The following SHISA9 variants were observed in gnomAD, a reference collection of about 807,000 sequenced individuals.
The protein encoded by SHISA9 is shisa family member 9.
In SHISA9, 13 loss-of-function variants were observed where a neutral mutation model predicts 38.0. The ratio of observed to expected loss-of-function variants is 0.34; its 90% CI spans 0.22 to 0.54. SHISA9 has a LOEUF of 0.54. SHISA9 is among the 20% of genes least tolerant of loss of function. SHISA9 has a pLI of 0.91. For missense variants in SHISA9, 538 were observed against 575.8 expected, an observed-to-expected ratio of 0.93 and a Z score of 0.67; for synonymous variants, 275 against 242.0, an observed-to-expected ratio of 1.14 and a Z score of -1.27.
intron 2 of SHISA9, among the ~76,000 whole-genome samples, chr16:12,960,857 C>T (rs550077521): frequency 1.3e-5 from 2 of 152,260 alleles, no homozygotes; most frequent in Non-Finnish European, 2.9e-5. Context: ...CTTCCAGGAA[C>T]ATTTTGGTAA....
chr16:13,552,742 A>G, the SHISA9 span, among the ~76,000 whole-genome samples: 2 of 151,826 alleles, frequency 1.3e-5, no homozygotes, highest in Non-Finnish European at 2.9e-5. Flanking sequence ...ATTTTTAAAC[A>G]GTTTTTTTTT....
intron 2 of SHISA9, among the ~76,000 whole-genome samples, chr16:12,929,746 A>G (rs533777918): frequency 6.6e-6 from 1 of 152,204 alleles, no homozygotes; most frequent in Admixed American, 6.5e-5. Flanking sequence ...ACACGTTTAT[A>G]TATGTAAAAA....
At chr16:12,908,005 T>G (rs1357201074) in intron 1 of SHISA9, among the ~76,000 whole-genome samples, 1 of 152,232 alleles carries the variant, frequency 6.6e-6, no homozygotes, top group East Asian at 1.9e-4. Context: ...CAATCTCAGC[T>G]CAGCCACTTA....
intron 2 of SHISA9, among the ~76,000 whole-genome samples, chr16:13,011,260 A>G (rs1002197675): frequency 2.0e-5 from 3 of 151,762 alleles, no homozygotes; most frequent in African/African-American, 7.3e-5. Context: ...GCGTGTAGAT[A>G]GTAAAATAGT....
chr16:12,990,869 C>T (rs2072375879), intron 2 of SHISA9, among the ~76,000 whole-genome samples: 1 of 152,188 alleles, frequency 6.6e-6, no homozygotes, highest in South Asian at 2.1e-4. Flanking sequence ...TCACCCATAG[C>T]TTTTCTATGG....
chr16:13,167,053 C>CT (rs144862499), intron 2 of SHISA9, among the ~76,000 whole-genome samples: 9,691 of 146,212 alleles, frequency 0.066, 421 homozygotes, highest in Middle Eastern at 0.13. Context: ...TCTACTTCTT[C>CT]TCTCTCTCTC....
intron 2 of SHISA9, among the ~76,000 whole-genome samples, chr16:12,928,160 C>G (rs772069911): frequency 2.5e-5 from 3 of 119,804 alleles, no homozygotes; most frequent in African/African-American, 1.1e-4. Flanking sequence ...ACTGTCCTTA[C>G]TTTTTCTTAT....
the SHISA9 span, among the ~76,000 whole-genome samples, chr16:13,351,643 C>A: frequency 6.6e-6 from 1 of 152,180 alleles, no homozygotes; most frequent in South Asian, 2.1e-4. Context: ...AACTGCATCT[C>A]CCCTTCTTTC....
At chr16:13,143,331 T>C (rs2050419153) in intron 2 of SHISA9, among the ~76,000 whole-genome samples, 1 of 152,122 alleles carries the variant, frequency 6.6e-6, no homozygotes, top group Non-Finnish European at 1.5e-5. Context: ...CTAATTAGCC[T>C]GCTTACTTCA....
At chr16:12,937,812 T>C (rs1476128349) in intron 2 of SHISA9, among the ~76,000 whole-genome samples, 1 of 152,250 alleles carries the variant, frequency 6.6e-6, no homozygotes, top group Non-Finnish European at 1.5e-5. Context: ...TTTCAACATA[T>C]GAATTTTGAG....
rs144045188 is a variant in SHISA9 at position 13,237,577 on chromosome 16, C to G, written c.*2168C>G. The G allele has an allele frequency of 2.0e-5, 3 of 148,690 alleles. No homozygotes were observed. The highest frequency in any genetic ancestry group is 4.4e-5 in the Non-Finnish European group (3 of 67,642). 9.2% of individuals were successfully genotyped at this position (148,690 alleles called of 1,614,324 possible). On this transcript the variant is annotated 3_prime_UTR_variant, in exon 5 of 5. Transcript: ENST00000558583. Reference sequence around the variant, plus strand: ...ACTCGAGAGGCTGAGGCAGGAGAATCGCTTAAACTTGGGAGGTTGCAGTGA... The same window carrying G: ...ACTCGAGAGGCTGAGGCAGGAGAATGGCTTAAACTTGGGAGGTTGCAGTGA...
intron 2 of SHISA9, among the ~76,000 whole-genome samples, chr16:13,120,058 AG>A (rs2141976633): frequency 6.6e-6 from 1 of 152,288 alleles, no homozygotes; most frequent in Non-Finnish European, 1.5e-5. Flanking sequence ...GGGTGATCAG[AG>A]CTGGCATAAC....
chr16:13,507,069 G>GTATGTA, the SHISA9 span, among the ~76,000 whole-genome samples: 5 of 148,744 alleles, frequency 3.4e-5, no homozygotes, highest in African/African-American at 1.2e-4. Context: ...CAACCACCAT[G>GTATGTA]TATATATATA....
chr16:13,301,485 T>C, the SHISA9 span, among the ~76,000 whole-genome samples: 399 of 152,344 alleles, frequency 2.6e-3, 1 homozygote, highest in African/African-American at 9.4e-3. Flanking sequence ...GTAAGTCATA[T>C]GCAGCTGCTG....
At chr16:13,263,140 A>G in the SHISA9 span, among the ~76,000 whole-genome samples, 5 of 152,146 alleles carry the variant, frequency 3.3e-5, no homozygotes, top group Non-Finnish European at 7.3e-5. Context: ...CATCCCAACT[A>G]CACTACATTT....
chr16:13,290,578 A>C, the SHISA9 span, among the ~76,000 whole-genome samples: 1 of 152,280 alleles, frequency 6.6e-6, no homozygotes, highest in Middle Eastern at 3.4e-3. Context: ...ATCCAACTAA[A>C]CCATTAAGGA....
the SHISA9 span, among the ~76,000 whole-genome samples, chr16:13,281,708 A>G: frequency 1.3e-5 from 2 of 151,606 alleles, no homozygotes; most frequent in African/African-American, 4.8e-5. Context: ...TTGTAAACCA[A>G]TTAGAGTTTA....
At chr16:13,476,738 G>GTTTT in the SHISA9 span, among the ~76,000 whole-genome samples, 524 of 65,234 alleles carry the variant, frequency 8.0e-3, 75 homozygotes, top group Non-Finnish European at 0.013. Flanking sequence ...CCTGTTTTGT[G>GTTTT]TTTTTTTTTT....
intron 2 of SHISA9, among the ~76,000 whole-genome samples, chr16:12,962,205 A>G (rs947235095): frequency 2.6e-5 from 4 of 152,236 alleles, no homozygotes; most frequent in African/African-American, 9.6e-5. Context: ...TCTCAAGACA[A>G]CAGCCCTAGG....
Sources: allele counts gnomAD v4.1 joint callset (sites outside exome capture counted in the v4.1 genomes callset), GRCh38; gene constraint gnomAD v4.1.1; transcripts MANE v1.5; gene names NCBI Gene and HGNC (gene_info 2026-07-23, HGNC 2026-07-21).